Variants in POLA1 observed in about 807,000 individuals in gnomAD.
The protein encoded by POLA1 is DNA polymerase alpha 1, catalytic subunit.
In POLA1, 15 loss-of-function variants were observed where a neutral mutation model predicts 124.0. The ratio of observed to expected loss-of-function variants is 0.12; its 90% CI spans 0.08 to 0.19. The LOEUF (loss-of-function observed/expected upper bound fraction) is 0.19, where lower values mean the gene tolerates loss of function less well. Ranked by LOEUF, POLA1 falls within the 10% of genes least tolerant of loss-of-function variation. The pLI, the probability that POLA1 is intolerant of heterozygous loss-of-function variation, is 1.00. For synonymous variants in POLA1, 408 were observed against 389.4 expected, an observed-to-expected ratio of 1.05 and a Z score of -0.56; for missense variants, 886 against 1,103.4, an observed-to-expected ratio of 0.80 and a Z score of 2.79.
At chrX:24,870,292 G>A (rs1437567165) in intron 34 of POLA1, among the ~76,000 whole-genome samples, 1 of 112,087 alleles carries the variant, frequency 8.9e-6, no homozygotes, top group Non-Finnish European at 1.9e-5. Flanking sequence ...TGAAGCACCC[G>A]GCTTTTGTAT....
intron 27 of POLA1, 88 bp from the exon 28 acceptor site, chrX:24,810,620 A>G: frequency 2.3e-6 from 1 of 428,124 alleles, no homozygotes; most frequent in Non-Finnish European, 4.1e-6. Context: ...GGAGCCTGTA[A>G]TTTCTGTAGT....
At chrX:24,976,020 A>C in intron 36 of POLA1, among the ~76,000 whole-genome samples, 1 of 112,738 alleles carries the variant, frequency 8.9e-6, no homozygotes, top group Admixed American at 9.4e-5. Flanking sequence ...TTAATAAGAA[A>C]GTACATACAC....
intron 10 of POLA1, among the ~76,000 whole-genome samples, chrX:24,720,854 T>C (rs746312147): frequency 5.3e-5 from 6 of 112,552 alleles, no homozygotes; most frequent in Non-Finnish European, 1.1e-4. Context: ...TTAATTAAAA[T>C]GCAATACAAA....
chrX:24,759,099 G>C (rs996090740), intron 26 of POLA1, among the ~76,000 whole-genome samples: 3 of 111,662 alleles, frequency 2.7e-5, no homozygotes, highest in African/African-American at 9.8e-5. Context: ...ATGGTCCTGG[G>C]GTTGTGAGTT....
At chrX:24,699,292 C>A in intron 1 of POLA1, 133 bp from the exon 2 acceptor site, 1 of 419,325 alleles carries the variant, frequency 2.4e-6, no homozygotes, top group Non-Finnish European at 3.9e-6. Context: ...GAATTATTTA[C>A]ATTATAAACA....
At chrX:24,847,721 T>C (rs2046494845) in intron 34 of POLA1, among the ~76,000 whole-genome samples, 1 of 112,428 alleles carries the variant, frequency 8.9e-6, no homozygotes, top group Admixed American at 9.4e-5. Context: ...CTGTTTTATG[T>C]GTGATCTCTG....
chrX:24,813,249 A>G (rs1033824479), intron 29 of POLA1, among the ~76,000 whole-genome samples: 2 of 111,042 alleles, frequency 1.8e-5, no homozygotes, highest in African/African-American at 3.3e-5. Flanking sequence ...CTCTTGAGGG[A>G]CATAATTGTT....
intron 26 of POLA1, among the ~76,000 whole-genome samples, chrX:24,784,259 G>A (rs1326093805): frequency 9.3e-6 from 1 of 107,412 alleles, no homozygotes; most frequent in Non-Finnish European, 1.9e-5. Context: ...CACCATGTTG[G>A]CCACTCTGGT....
chrX:24,950,907 C>G (rs1018274058), intron 36 of POLA1, among the ~76,000 whole-genome samples: 2 of 111,971 alleles, frequency 1.8e-5, no homozygotes. Context: ...AACAGAGTGA[C>G]TTTTAGAAAG....
intron 36 of POLA1, among the ~76,000 whole-genome samples, chrX:24,967,117 T>C (rs1426511399): frequency 9.0e-6 from 1 of 110,844 alleles, no homozygotes; most frequent in Admixed American, 9.6e-5. Context: ...CTTTGACAGG[T>C]TGAATCAGGC....
chrX:24,887,861 C>T (rs1304518916), intron 34 of POLA1, 145 bp from the exon 35 acceptor site: 8 of 372,161 alleles, frequency 2.1e-5, no homozygotes, highest in Non-Finnish European at 2.8e-5. Flanking sequence ...ATCTAATTAA[C>T]ATGTCAGGAG....
chrX:24,912,400 G>T (rs1352255544), intron 35 of POLA1, among the ~76,000 whole-genome samples: 1 of 111,814 alleles, frequency 8.9e-6, no homozygotes, highest in Non-Finnish European at 1.9e-5. Flanking sequence ...CCTTTGATCT[G>T]CAAAAGACAC....
At chrX:24,867,087 AT>A (rs35709929) in intron 34 of POLA1, among the ~76,000 whole-genome samples, 36,611 of 109,085 alleles carry the variant, frequency 0.34, 4,418 homozygotes, top group South Asian at 0.4. Flanking sequence ...ATAAAACTTG[AT>A]TTTTTTTTAA....
Position 24,703,359 on chromosome X carries a change from G to T in POLA1, c.265+12G>T, listed in dbSNP as rs769368764. 4.5e-6 allele frequency: 5 copies of T among 1,100,226 alleles called. No individual in the cohort carries two copies. Among genetic ancestry groups the T allele is most frequent in the Non-Finnish European group, 6.3e-6 (5 of 797,920 alleles). 90.7% of individuals were successfully genotyped at this position (1,100,226 alleles called of 1,213,427 possible). ...GATTGTGGATGATGGTAGGTGGGGC[G>T]GAGGTGGGGGCGGGGATGTTGCTTC... On this transcript the variant is annotated intron_variant, in intron 3 of 36. Coordinates refer to ENST00000379068, the MANE Select transcript of POLA1 (RefSeq NM_001330360.2).
intron 26 of POLA1, among the ~76,000 whole-genome samples, chrX:24,757,625 G>A (rs979974135): frequency 3.7e-5 from 4 of 108,687 alleles, no homozygotes. Flanking sequence ...ATTGTTAGTA[G>A]AGACGGGGTT....
intron 35 of POLA1, among the ~76,000 whole-genome samples, chrX:24,927,231 A>C (rs1426653368): frequency 1.8e-5 from 2 of 110,717 alleles, no homozygotes; most frequent in African/African-American, 6.6e-5. Context: ...CAGGAGAGAG[A>C]CTGGATAATA....
At chrX:24,837,627 C>T (rs927580152) in intron 32 of POLA1, among the ~76,000 whole-genome samples, 2 of 111,624 alleles carry the variant, frequency 1.8e-5, no homozygotes, top group African/African-American at 3.3e-5. Context: ...ATTTTCAGTT[C>T]GCATATTGTC....
At chrX:24,836,977 T>C (rs914790402) in intron 32 of POLA1, among the ~76,000 whole-genome samples, 2 of 111,927 alleles carry the variant, frequency 1.8e-5, no homozygotes, top group Non-Finnish European at 3.8e-5. Context: ...AAGTTTTGAC[T>C]GCAACTCATC....
chrX:24,742,103 A>G lies in POLA1; in HGVS notation c.2448A>G (p.Arg816=), dbSNP rs1268425457. Reference sequence around the variant, plus strand: ...TTGTGCCTGACAAGCAGATTTTCAGAAAGCCTCAGCAAAAACTGGTGGGTC... The same window carrying G: ...TTGTGCCTGACAAGCAGATTTTCAGGAAGCCTCAGCAAAAACTGGTGGGTC... ...NYIVPDKQIF[R]KPQQKLGDED... is the part of the protein sequence containing the mutation. Residue 816 remains arginine, a synonymous_variant, in exon 22 of 37, where the codon AGA becomes AGG. Transcript: ENST00000379068. 1.7e-6 allele frequency: 2 copies of G among 1,207,172 alleles called. No individual in the cohort carries two copies. Among genetic ancestry groups the G allele is most frequent in the Non-Finnish European group, 2.2e-6 (2 of 892,884 alleles).
Sources: allele counts gnomAD v4.1 joint callset (sites outside exome capture counted in the v4.1 genomes callset), GRCh38; gene constraint gnomAD v4.1.1; transcripts MANE v1.5; gene names NCBI Gene and HGNC (gene_info 2026-07-23, HGNC 2026-07-21).